The following CSMD1 variants were observed in gnomAD, a reference collection of about 807,000 sequenced individuals.
CSMD1 encodes CUB and sushi domain-containing protein 1.
Under a neutral mutation model 417.5 loss-of-function variants are expected in CSMD1, and 213 were observed. The observed-to-expected ratio is 0.51, with a 90% CI of 0.46 to 0.57. CSMD1 has a LOEUF of 0.57. Among genes scored for constraint, CSMD1 ranks in the 20% least tolerant of loss-of-function variants. CSMD1 has a pLI of 0.00. For missense variants in CSMD1, 6,923 were observed against 4,529.7 expected (o/e 1.53, Z -15.17); for synonymous variants, 2,862 against 1,736.8 (o/e 1.65, Z -16.11).
intron 3 of CSMD1, among the ~76,000 whole-genome samples, chr8:4,088,316 T>C (rs17068882): frequency 0.047 from 7,205 of 152,298 alleles, 452 homozygotes; most frequent in East Asian, 0.28. Context: ...AAGCTAGAGT[T>C]CACTTTTGAT....
At chr8:3,265,838 G>A (rs754624621) in intron 26 of CSMD1, among the ~76,000 whole-genome samples, 52 of 152,064 alleles carry the variant, frequency 3.4e-4, no homozygotes, top group Non-Finnish European at 6.9e-4. Flanking sequence ...GGAGACCTGG[G>A]TGATGCAGTA....
intron 3 of CSMD1, among the ~76,000 whole-genome samples, chr8:4,075,471 G>C (rs1247885677): frequency 6.6e-6 from 1 of 152,056 alleles, no homozygotes; most frequent in Admixed American, 6.6e-5. Flanking sequence ...CAAATCTCTT[G>C]TTACAGGTAA....
intron 1 of CSMD1, among the ~76,000 whole-genome samples, chr8:4,914,433 C>T (rs994934234): frequency 6.6e-6 from 1 of 151,812 alleles, no homozygotes; most frequent in Non-Finnish European, 1.5e-5. Flanking sequence ...AAAAAATTAA[C>T]CGGGTGAGGT....
intron 25 of CSMD1, among the ~76,000 whole-genome samples, chr8:3,303,865 G>C (rs1804603257): frequency 6.6e-6 from 1 of 151,998 alleles, no homozygotes; most frequent in African/African-American, 2.4e-5. Context: ...TCAGGTAACT[G>C]CTCTATAGCA....
intron 1 of CSMD1, among the ~76,000 whole-genome samples, chr8:4,911,255 C>T (rs1331635623): frequency 6.6e-6 from 1 of 152,202 alleles, no homozygotes; most frequent in Admixed American, 6.5e-5. Context: ...TGACCTTTGT[C>T]CACCAGTCGT....
At position 4,716,473 on chromosome 8, in the gene CSMD1, G is replaced by A. The variant is rs188992957; in HGVS notation, c.86-78915C>T. 4.6e-5 allele frequency among the ~76,000 whole-genome samples: 7 copies of A among 152,284 alleles called. No homozygotes were observed. The South Asian group carries it at 1.5e-3, about 32-fold the overall frequency. Reference sequence around the variant, plus strand: ...AAACAGAATTTTTCAGTTATTAATAGAAGGTTTTTAAAGTATTCATAATAC... The same window carrying A: ...AAACAGAATTTTTCAGTTATTAATAAAAGGTTTTTAAAGTATTCATAATAC... On this transcript the variant is annotated intron_variant, in intron 1 of 69. Coordinates refer to ENST00000635120, the MANE Select transcript of CSMD1 (RefSeq NM_033225.6).
intron 5 of CSMD1, among the ~76,000 whole-genome samples, chr8:3,878,800 A>AC (rs1165136230): frequency 6.6e-6 from 1 of 152,128 alleles, no homozygotes; most frequent in Non-Finnish European, 1.5e-5. Flanking sequence ...AGTAACTATA[A>AC]CGACGACCAC....
At chr8:4,375,025 A>C (rs1802642379) in intron 3 of CSMD1, among the ~76,000 whole-genome samples, 1 of 149,456 alleles carries the variant, frequency 6.7e-6, no homozygotes, top group African/African-American at 2.5e-5. Context: ...GCAGGGAGCT[A>C]GAGCAATTTG....
intron 10 of CSMD1, among the ~76,000 whole-genome samples, chr8:3,516,765 T>C (rs1797299205): frequency 6.6e-6 from 1 of 152,184 alleles, no homozygotes; most frequent in African/African-American, 2.4e-5. Context: ...CTGCACCTTA[T>C]CTGTAGTTAC....
chr8:3,735,201 T>G (rs749493782), intron 6 of CSMD1, among the ~76,000 whole-genome samples: 2 of 152,218 alleles, frequency 1.3e-5, no homozygotes, highest in African/African-American at 2.4e-5. Context: ...AACGGGCAAG[T>G]TGCCCCTGGC....
At chr8:3,235,662 GAA>G (rs1483985590) in intron 26 of CSMD1, among the ~76,000 whole-genome samples, 1 of 152,114 alleles carries the variant, frequency 6.6e-6, no homozygotes, top group African/African-American at 2.4e-5. Context: ...CTTCCAAATA[GAA>G]GTCCACAGAA....
chr8:3,116,247 T>G (rs900268339), intron 42 of CSMD1, among the ~76,000 whole-genome samples: 1 of 152,242 alleles, frequency 6.6e-6, no homozygotes, highest in East Asian at 1.9e-4. Context: ...ATATTTATGA[T>G]AAACTTTTAC....
At chr8:4,166,850 G>A (rs565877979) in intron 3 of CSMD1, among the ~76,000 whole-genome samples, 3 of 152,266 alleles carry the variant, frequency 2.0e-5, no homozygotes, top group Admixed American at 1.3e-4. Context: ...ATTTAAATTT[G>A]TTTCAATGAA....
At position 4,531,839 on chromosome 8, in the gene CSMD1, G is replaced by A. The variant is rs114600832; in HGVS notation, c.302+105503C>T. ...CCTTTTCAGAAACTTTTATCACTTT[G>A]AAAAGAAATCCTGCACCGCATTCAG... On this transcript the variant is annotated intron_variant, in intron 2 of 69. Coordinates refer to ENST00000635120, the MANE Select transcript of CSMD1 (RefSeq NM_033225.6). Among the ~76,000 whole-genome samples the A allele has an allele frequency of 2.3e-3, 354 of 152,222 alleles. 1 individual carries two copies. Among genetic ancestry groups the A allele is most frequent in the African/African-American group, 8.2e-3 (342 of 41,522 alleles).
chr8:4,628,585 A>C (rs1802302422), intron 2 of CSMD1, among the ~76,000 whole-genome samples: 1 of 142,058 alleles, frequency 7.0e-6, no homozygotes, highest in African/African-American at 2.6e-5. Context: ...TCAAGGACAG[A>C]GAACACACAC....
chr8:3,410,039 A>G (rs969898061), intron 12 of CSMD1, among the ~76,000 whole-genome samples: 1 of 152,250 alleles, frequency 6.6e-6, no homozygotes, highest in Non-Finnish European at 1.5e-5. Flanking sequence ...AATCTATTTG[A>G]ATATTCTTTC....
At chr8:4,444,636 T>C (rs552423932) in intron 2 of CSMD1, among the ~76,000 whole-genome samples, 2 of 152,154 alleles carry the variant, frequency 1.3e-5, no homozygotes, top group South Asian at 4.1e-4. Flanking sequence ...TAAACATGGT[T>C]ATTATCATTC....
intron 1 of CSMD1, among the ~76,000 whole-genome samples, chr8:4,894,140 T>C (rs530240308): frequency 2.4e-4 from 36 of 152,222 alleles, no homozygotes; most frequent in African/African-American, 8.4e-4. Flanking sequence ...TGAAAAATTA[T>C]CTCTATTTTA....
At chr8:3,810,202 ACAGT>A (rs1800985743) in intron 5 of CSMD1, among the ~76,000 whole-genome samples, 1 of 152,220 alleles carries the variant, frequency 6.6e-6, no homozygotes, top group East Asian at 1.9e-4. Flanking sequence ...ATGAGTCAGG[ACAGT>A]CTAGTCTTTG....
Sources: gnomAD v4.1 joint callset for allele counts (sites outside exome capture counted in the v4.1 genomes callset) on GRCh38, gnomAD v4.1.1 for gene constraint, MANE v1.5 for transcripts, NCBI Gene and HGNC (gene_info 2026-07-23, HGNC 2026-07-21) for gene names.